The following RRM2 variants were observed in gnomAD, a reference collection of about 807,000 sequenced individuals.
The protein encoded by RRM2 is ribonucleoside-diphosphate reductase subunit M2.
A neutral mutation model predicts 45.9 loss-of-function variants in RRM2; 6 were observed. The observed-to-expected ratio is 0.13, with a 90% CI of 0.07 to 0.26. The LOEUF is 0.26. Ranked by LOEUF, RRM2 falls within the 10% of genes least tolerant of loss-of-function variation. RRM2 has a pLI of 1.00. For missense variants in RRM2, 343 were observed against 489.5 expected, an observed-to-expected ratio of 0.70 and a Z score of 2.82; for synonymous variants, 177 against 173.0, an observed-to-expected ratio of 1.02 and a Z score of -0.18.
At position 10,190,584 on chromosome 2, in the gene RRM2, G is replaced by A. The variant is rs1234079043; in HGVS notation, n.483-19727G>A. On this transcript the variant is annotated intron_variant and non_coding_transcript_variant, in intron 3 of 3. Coordinates refer to the RRM2 transcript ENST00000381786. ...GGTGGTGATGATGGTGATGATCATG[G>A]TGATGGTGGTGATGTTGGCGATGAT... Among the ~76,000 whole-genome samples, 4 of 151,510 alleles carry A rather than the reference G, an allele frequency of 2.6e-5. No individual in the cohort carries two copies. The South Asian group carries it at 6.3e-4, about 24-fold the overall frequency.
chr2:10,125,541 TAA>T (rs1203982193), intron 5 of RRM2, among the ~76,000 whole-genome samples: 1 of 152,180 alleles, frequency 6.6e-6, no homozygotes, highest in Non-Finnish European at 1.5e-5. Context: ...CCGTCTCTAC[TAA>T]AAATAAAAAA....
At chr2:10,162,515 C>A in intron 3 of RRM2, among the ~76,000 whole-genome samples, 1 of 152,116 alleles carries the variant, frequency 6.6e-6, no homozygotes, top group East Asian at 2.0e-4. Context: ...AAAGTGCCGG[C>A]CACACTCTCC....
At chr2:10,180,363 A>G (rs1664021074) in intron 3 of RRM2, among the ~76,000 whole-genome samples, 1 of 152,222 alleles carries the variant, frequency 6.6e-6, no homozygotes, top group African/African-American at 2.4e-5. Context: ...GGGCATGGCC[A>G]TTGTATTTCC....
chr2:10,180,818 G>GT (rs1313074526), intron 3 of RRM2, among the ~76,000 whole-genome samples: 1 of 152,120 alleles, frequency 6.6e-6, no homozygotes, highest in Non-Finnish European at 1.5e-5. Context: ...CTAGGCTGGA[G>GT]TGCAGTGGCA....
intron 3 of RRM2, among the ~76,000 whole-genome samples, chr2:10,148,420 A>G (rs7566175): frequency 0.58 from 88,748 of 151,798 alleles, 26,521 homozygotes; most frequent in Non-Finnish European, 0.66. Flanking sequence ...ATATTCAGTT[A>G]TTGCAAGTTC....
intron 3 of RRM2, among the ~76,000 whole-genome samples, chr2:10,150,445 CAAA>C (rs564823462): frequency 7.1e-5 from 6 of 84,398 alleles, no homozygotes; most frequent in Non-Finnish European, 5.1e-5. Context: ...GACTCTGCCT[CAAA>C]AAAAAAAAAA....
At chr2:10,144,658 T>A (rs1397242852) in intron 3 of RRM2, among the ~76,000 whole-genome samples, 1 of 152,236 alleles carries the variant, frequency 6.6e-6, no homozygotes, top group Non-Finnish European at 1.5e-5. Flanking sequence ...GGGCTTCTAC[T>A]TCCTTTTGAA....
At chr2:10,181,971 G>T (rs1664069288) in intron 3 of RRM2, among the ~76,000 whole-genome samples, 1 of 151,778 alleles carries the variant, frequency 6.6e-6, no homozygotes, top group Admixed American at 6.6e-5. Context: ...TCACTATGTT[G>T]CCCAGGCTGG....
exon 4 of RRM2, chr2:10,210,620 T>C: frequency 7.4e-7 from 1 of 1,358,200 alleles, no homozygotes; most frequent in Non-Finnish European, 9.8e-7. Context: ...CTGCTTTCAA[T>C]CACACCCACT....
At chr2:10,191,261 G>T (rs752358336) in intron 3 of RRM2, among the ~76,000 whole-genome samples, 1 of 152,232 alleles carries the variant, frequency 6.6e-6, no homozygotes, top group South Asian at 2.1e-4. Flanking sequence ...TTGGGGCAGC[G>T]TGGCCTTGGT....
exon 2 of RRM2, chr2:10,141,873 T>C: frequency 3.8e-6 from 6 of 1,565,432 alleles, no homozygotes; most frequent in Non-Finnish European, 5.2e-6. Flanking sequence ...GACCGTGAAG[T>C]GCAAAGCAGA....
At chr2:10,142,020 T>C (rs11896140) in intron 2 of RRM2, 991,226 of 1,578,548 alleles carry the variant, frequency 0.63, 316,575 homozygotes, top group Non-Finnish European at 0.66. Flanking sequence ...GCTATGCCCC[T>C]TGCTCTTTCA....
intron 3 of RRM2, among the ~76,000 whole-genome samples, chr2:10,202,408 A>G (rs2125333952): frequency 6.6e-6 from 1 of 152,368 alleles, no homozygotes; most frequent in Admixed American, 6.5e-5. Context: ...GAAGAAAGAA[A>G]CATGAAAAGC....
At chr2:10,155,691 ACC>A (rs1372130899) in intron 3 of RRM2, 1 of 152,052 alleles carries the variant, frequency 6.6e-6, no homozygotes, top group Non-Finnish European at 1.5e-5. Flanking sequence ...GCAGCTGCAG[ACC>A]CATGAGCCAC....
At chr2:10,132,314 G>A (rs1662917163), downstream of RRM2, among the ~76,000 whole-genome samples, 2 of 152,200 alleles carry the variant, frequency 1.3e-5, no homozygotes, top group Non-Finnish European at 2.9e-5. Flanking sequence ...TCCTAGAGAG[G>A]AAAACTGATA....
chr2:10,183,586 A>G (rs1317643027), intron 3 of RRM2, among the ~76,000 whole-genome samples: 5 of 152,234 alleles, frequency 3.3e-5, no homozygotes, highest in African/African-American at 7.2e-5. Flanking sequence ...ATGGTGGCTT[A>G]TGCCTGTAAT....
In RRM2 at chr2:10,172,193, G is replaced by A. The variant is rs1663819382; in HGVS notation, n.482+29818G>A. Among the ~76,000 whole-genome samples the A allele has an allele frequency of 6.6e-6, 1 of 152,178 alleles. No individual in the cohort carries two copies. Among genetic ancestry groups the A allele is most frequent in the South Asian group, 2.1e-4 (1 of 4,830 alleles). On this transcript the variant is annotated intron_variant and non_coding_transcript_variant, in intron 3 of 3. Transcript: ENST00000381786. This position sits in a 1 kb window ranked among gnomAD's most constrained non-coding sequence, Gnocchi z 4.9. Reference sequence around the variant, plus strand: ...ACTAGCCTGCTGTGTCGCCTTGCAAGGGGTGAGATTTCTCTGCTCTAAGTC... The same window carrying A: ...ACTAGCCTGCTGTGTCGCCTTGCAAAGGGTGAGATTTCTCTGCTCTAAGTC...
intron 3 of RRM2, among the ~76,000 whole-genome samples, chr2:10,201,443 G>A (rs891205048): frequency 6.6e-5 from 10 of 152,254 alleles, no homozygotes; most frequent in Middle Eastern, 3.4e-3. Flanking sequence ...TTCAGTTCAC[G>A]CAGTCAGTTC....
chr2:10,199,447 A>G (rs868839881), intron 3 of RRM2, among the ~76,000 whole-genome samples: 15 of 152,166 alleles, frequency 9.9e-5, no homozygotes, highest in African/African-American at 3.1e-4. Flanking sequence ...ACAGTTTTTG[A>G]AACACAATTC....
Sources: gnomAD v4.1 joint callset for allele counts (sites outside exome capture counted in the v4.1 genomes callset) on GRCh38, gnomAD v4.1.1 for gene constraint, Gnocchi (gnomAD v3.1) non-coding constraint, MANE v1.5 for transcripts, NCBI Gene and HGNC (gene_info 2026-07-23, HGNC 2026-07-21) for gene names.